ARHGAP42: variants seen among roughly 807,000 people sequenced by gnomAD.
ARHGAP42 encodes rho GTPase-activating protein 42.
Under a neutral mutation model 125.0 loss-of-function variants are expected in ARHGAP42, and 63 were observed. That is an observed-to-expected ratio of 0.50 (90% CI 0.41 to 0.62). ARHGAP42 has a LOEUF of 0.62. Among genes scored for constraint, ARHGAP42 ranks in the 20% least tolerant of loss-of-function variants. The probability of loss-of-function intolerance (pLI) is 0.00; values close to 1 mark genes in which losing one functional copy is unlikely to be tolerated. For missense variants in ARHGAP42, 766 were observed against 1,024.2 expected, an observed-to-expected ratio of 0.75 and a Z score of 3.44; for synonymous variants, 339 against 351.0, an observed-to-expected ratio of 0.97 and a Z score of 0.38.
intron 3 of ARHGAP42, among the ~76,000 whole-genome samples, chr11:100,834,521 T>C (rs1332666701): frequency 1.3e-5 from 2 of 152,080 alleles, no homozygotes; most frequent in African/African-American, 2.4e-5. Flanking sequence ...CAAGTTCTCA[T>C]TGGGTACTCA....
At chr11:100,814,795 C>T (rs1864227205) in intron 3 of ARHGAP42, among the ~76,000 whole-genome samples, 1 of 152,206 alleles carries the variant, frequency 6.6e-6, no homozygotes, top group South Asian at 2.1e-4. Flanking sequence ...ATGATCCAGT[C>T]CCTTCTCACT....
chr11:100,804,303 T>C (rs1459579528), intron 3 of ARHGAP42, among the ~76,000 whole-genome samples: 1 of 152,120 alleles, frequency 6.6e-6, no homozygotes, highest in Non-Finnish European at 1.5e-5. Flanking sequence ...CTTTTTATCC[T>C]TGAGTAATAA....
At chr11:100,814,241 C>T (rs1864212310) in intron 3 of ARHGAP42, among the ~76,000 whole-genome samples, 1 of 151,342 alleles carries the variant, frequency 6.6e-6, no homozygotes, top group East Asian at 1.9e-4. Context: ...CCTGTAGTCC[C>T]AGCTACTTGG....
chr11:100,743,035 T>C (rs1862221990), intron 1 of ARHGAP42, among the ~76,000 whole-genome samples: 1 of 151,574 alleles, frequency 6.6e-6, no homozygotes, highest in Admixed American at 6.6e-5. Context: ...CTAATCTATA[T>C]CTTTTAAGTG....
At chr11:100,718,992 C>T (rs1254630856) in intron 1 of ARHGAP42, among the ~76,000 whole-genome samples, 2 of 152,106 alleles carry the variant, frequency 1.3e-5, no homozygotes, top group African/African-American at 4.8e-5. Flanking sequence ...CTTCACTATA[C>T]CTCATGATTT....
chr11:100,843,710 GA>G (rs1042712867), intron 3 of ARHGAP42, among the ~76,000 whole-genome samples: 3 of 149,362 alleles, frequency 2.0e-5, no homozygotes, highest in East Asian at 2.0e-4. Context: ...ACAATAGCAG[GA>G]AAAAAAAATG....
intron 4 of ARHGAP42, among the ~76,000 whole-genome samples, chr11:100,865,501 C>G (rs1383472138): frequency 6.6e-6 from 1 of 152,094 alleles, no homozygotes; most frequent in African/African-American, 2.4e-5. Context: ...AGAAAACAAT[C>G]CCCTTTATAA....
intron 1 of ARHGAP42, among the ~76,000 whole-genome samples, chr11:100,750,887 T>C (rs932351124): frequency 6.6e-6 from 1 of 152,082 alleles, no homozygotes; most frequent in African/African-American, 2.4e-5. Flanking sequence ...CTACAGGTCT[T>C]GAACTGCAGA....
intron 19 of ARHGAP42, among the ~76,000 whole-genome samples, chr11:100,974,923 G>A (rs1041232881): frequency 2.0e-5 from 3 of 152,126 alleles, no homozygotes; most frequent in African/African-American, 7.2e-5. Flanking sequence ...GCAAGACAAA[G>A]TCTGACTGAA....
chr11:100,802,376 TC>T (rs1160260240), intron 3 of ARHGAP42, among the ~76,000 whole-genome samples: 1 of 151,370 alleles, frequency 6.6e-6, no homozygotes, highest in Non-Finnish European at 1.5e-5. Flanking sequence ...TGATAGTGCC[TC>T]CCCTTAAATC....
chr11:100,853,861 T>C (rs1865261817), intron 3 of ARHGAP42, among the ~76,000 whole-genome samples: 1 of 152,002 alleles, frequency 6.6e-6, no homozygotes, highest in Non-Finnish European at 1.5e-5. Flanking sequence ...AAGTATGTGC[T>C]AGTGAGATTT....
intron 1 of ARHGAP42, among the ~76,000 whole-genome samples, chr11:100,714,720 C>T (rs1242326022): frequency 1.3e-5 from 2 of 152,024 alleles, no homozygotes; most frequent in South Asian, 4.1e-4. Context: ...GGTTAAACTA[C>T]AACAGATAGA....
chr11:100,961,012 T>TA (rs1427823879), intron 14 of ARHGAP42, 23 bp downstream of exon 14: 1 of 1,498,926 alleles, frequency 6.7e-7, no homozygotes, highest in Non-Finnish European at 9.0e-7. Flanking sequence ...TGAAGCAACT[T>TA]ACATAATTTT....
At chr11:100,779,535 T>TATATACGTATATATATACGTATAC (rs1863232071) in intron 2 of ARHGAP42, among the ~76,000 whole-genome samples, 2 of 134,498 alleles carry the variant, frequency 1.5e-5, no homozygotes, top group Non-Finnish European at 3.2e-5. Flanking sequence ...CATGCGTATA[T>TATATACGTATATATATACGTATAC]ATACGTATAT....
intron 1 of ARHGAP42, among the ~76,000 whole-genome samples, chr11:100,690,627 C>T (rs918279606): frequency 1.1e-4 from 17 of 152,106 alleles, no homozygotes; most frequent in South Asian, 4.1e-4. Context: ...GACAGAGTCT[C>T]GCTCTGTCGC....
At chr11:100,701,718 C>A (rs1861400465) in intron 1 of ARHGAP42, among the ~76,000 whole-genome samples, 1 of 152,204 alleles carries the variant, frequency 6.6e-6, no homozygotes, top group Non-Finnish European at 1.5e-5. Context: ...TGGCTTAATG[C>A]AATATTGTGG....
chr11:100,765,960 G>T (rs1862819336), intron 1 of ARHGAP42, among the ~76,000 whole-genome samples: 1 of 152,140 alleles, frequency 6.6e-6, no homozygotes, highest in Non-Finnish European at 1.5e-5. Context: ...ATAAAAGGGA[G>T]ACCTCAGTTC....
chr11:100,786,096 C>T (rs1863425440), intron 2 of ARHGAP42, among the ~76,000 whole-genome samples: 1 of 152,088 alleles, frequency 6.6e-6, no homozygotes, highest in African/African-American at 2.4e-5. Context: ...ATGTCACTGC[C>T]TCTTGGTAGA....
intron 1 of ARHGAP42, among the ~76,000 whole-genome samples, chr11:100,721,940 T>G (rs1036782098): frequency 6.6e-6 from 1 of 152,252 alleles, no homozygotes; most frequent in African/African-American, 2.4e-5. Context: ...CATAATGTTT[T>G]CAACTCATTT....
Sources: allele counts gnomAD v4.1 joint callset (sites outside exome capture counted in the v4.1 genomes callset), GRCh38; gene constraint gnomAD v4.1.1; transcripts MANE v1.5; gene names NCBI Gene and HGNC (gene_info 2026-07-23, HGNC 2026-07-21).